The following SLC35F4 variants were observed in gnomAD, a reference collection of about 807,000 sequenced individuals.
SLC35F4 encodes the protein solute carrier family 35 member F4, also known as chromosome 14 open reading frame 36.
In SLC35F4, 24 loss-of-function variants were observed where a neutral mutation model predicts 44.2. The ratio of observed to expected loss-of-function variants is 0.54; its 90% CI spans 0.39 to 0.76. The LOEUF (loss-of-function observed/expected upper bound fraction) is 0.76. SLC35F4 is among the 30% of genes least tolerant of loss of function. SLC35F4 has a pLI of 0.00. For synonymous variants in SLC35F4, 238 were observed against 223.6 expected (o/e 1.06, Z -0.57); for missense variants, 562 against 586.1 (o/e 0.96, Z 0.42).
chr14:57,755,962 A>T (rs2076985774), intron 1 of SLC35F4, among the ~76,000 whole-genome samples: 1 of 152,186 alleles, frequency 6.6e-6, no homozygotes, highest in African/African-American at 2.4e-5. Flanking sequence ...CGTTATTATC[A>T]GACTGCTACA....
intron 1 of SLC35F4, among the ~76,000 whole-genome samples, chr14:57,744,125 G>A (rs890570324): frequency 6.6e-6 from 1 of 152,122 alleles, no homozygotes; most frequent in Non-Finnish European, 1.5e-5. Flanking sequence ...ATATCATACT[G>A]AATGGGCAAA....
intron 1 of SLC35F4, among the ~76,000 whole-genome samples, chr14:57,751,960 AT>A (rs1231739725): frequency 4.0e-5 from 6 of 149,896 alleles, no homozygotes; most frequent in Admixed American, 4.0e-4. Flanking sequence ...GTGTTTGTGT[AT>A]TTTTTCCCCA....
intron 1 of SLC35F4, among the ~76,000 whole-genome samples, chr14:57,801,943 T>C (rs539658672): frequency 6.6e-6 from 1 of 152,214 alleles, no homozygotes; most frequent in South Asian, 2.1e-4. Context: ...TTAACAAAAA[T>C]ATCCAGGACC....
intron 1 of SLC35F4, among the ~76,000 whole-genome samples, chr14:57,681,862 G>A (rs1419423056): frequency 6.6e-6 from 1 of 151,440 alleles, no homozygotes; most frequent in Admixed American, 6.6e-5. Flanking sequence ...CTCAAAAGAA[G>A]ACATTTATGT....
At chr14:57,974,951 T>C (rs1427761279), downstream of SLC35F4, among the ~76,000 whole-genome samples, 1 of 152,208 alleles carries the variant, frequency 6.6e-6, no homozygotes, top group African/African-American at 2.4e-5. Flanking sequence ...TTTTCAGGAC[T>C]GCAAAGGGAA....
intron 1 of SLC35F4, among the ~76,000 whole-genome samples, chr14:57,929,063 T>A (rs1405891436): frequency 1.3e-5 from 2 of 152,128 alleles, no homozygotes; most frequent in Non-Finnish European, 2.9e-5. Context: ...GAAAAAGTAT[T>A]GAAATGTAAG....
intron 1 of SLC35F4, chr14:57,630,051 A>G (rs1193115250): frequency 1.9e-6 from 1 of 538,964 alleles, no homozygotes; most frequent in Non-Finnish European, 3.8e-6. Context: ...TTCGCTGTCC[A>G]AGAGGATTTG....
intron 1 of SLC35F4, among the ~76,000 whole-genome samples, chr14:57,772,262 C>T (rs1014656723): frequency 6.6e-6 from 1 of 152,204 alleles, no homozygotes; most frequent in South Asian, 2.1e-4. Flanking sequence ...ATGTCAAACT[C>T]AGGGAATAAT....
chr14:57,706,571 G>A (rs1005704038), intron 1 of SLC35F4, among the ~76,000 whole-genome samples: 2 of 152,146 alleles, frequency 1.3e-5, no homozygotes, highest in African/African-American at 4.8e-5. Context: ...TGCTATTTGA[G>A]CATATAACAG....
intron 1 of SLC35F4, among the ~76,000 whole-genome samples, chr14:57,606,135 T>C (rs960987518): frequency 5.9e-5 from 9 of 152,140 alleles, no homozygotes; most frequent in African/African-American, 2.2e-4. Flanking sequence ...AAAAGAAAAG[T>C]CTATGCTATA....
chr14:57,735,743 G>C (rs2076448406), intron 1 of SLC35F4, among the ~76,000 whole-genome samples: 1 of 143,460 alleles, frequency 7.0e-6, no homozygotes, highest in South Asian at 2.2e-4. Flanking sequence ...TTTTTTTAAA[G>C]ACAGAGCTTC....
chr14:57,753,196 C>T (rs1359395729), intron 1 of SLC35F4, among the ~76,000 whole-genome samples: 2 of 152,280 alleles, frequency 1.3e-5, no homozygotes, highest in East Asian at 1.9e-4. Flanking sequence ...GTGGTTTCTG[C>T]AAAGATGGCA....
chr14:57,878,342 G>T (rs939949656), intron 1 of SLC35F4, among the ~76,000 whole-genome samples: 1 of 152,012 alleles, frequency 6.6e-6, no homozygotes, highest in African/African-American at 2.4e-5. Flanking sequence ...TCTAACCATA[G>T]CCAACCTGCT....
At chr14:57,947,508 T>G (rs1010180688) in intron 1 of SLC35F4, among the ~76,000 whole-genome samples, 1 of 152,182 alleles carries the variant, frequency 6.6e-6, no homozygotes, top group Non-Finnish European at 1.5e-5. Context: ...TTTACCAATT[T>G]GGATGCCCTT....
chr14:57,649,139 T>A (rs912529946), intron 1 of SLC35F4, among the ~76,000 whole-genome samples: 1 of 152,226 alleles, frequency 6.6e-6, no homozygotes, highest in African/African-American at 2.4e-5. Context: ...TTCCTTTCCT[T>A]CACATCACAG....
intron 4 of SLC35F4, chr14:57,580,606 T>C (rs1226805051): frequency 3.6e-6 from 1 of 278,988 alleles, no homozygotes; most frequent in Non-Finnish European, 7.2e-6. Context: ...CTGAAAGGAA[T>C]AAACTCAGAA....
At chr14:57,838,625 CAAT>C (rs1488438454) in intron 1 of SLC35F4, among the ~76,000 whole-genome samples, 1 of 152,056 alleles carries the variant, frequency 6.6e-6, no homozygotes, top group Non-Finnish European at 1.5e-5. Context: ...AGCTCAACAA[CAAT>C]AAGAGACATG....
At chr14:57,856,477 A>T (rs1395733433) in intron 1 of SLC35F4, among the ~76,000 whole-genome samples, 1 of 152,050 alleles carries the variant, frequency 6.6e-6, no homozygotes, top group Non-Finnish European at 1.5e-5. Context: ...AAATCCAAGT[A>T]TTAGCTAGTG....
chr14:57,667,397 A>T (rs373128434), intron 1 of SLC35F4, among the ~76,000 whole-genome samples: 1 of 118,542 alleles, frequency 8.4e-6, no homozygotes, highest in Non-Finnish European at 1.8e-5. Context: ...TGCAGGTTAC[A>T]TATGTATACA....
Sources: gnomAD v4.1 joint callset for allele counts (sites outside exome capture counted in the v4.1 genomes callset) on GRCh38, gnomAD v4.1.1 for gene constraint, MANE v1.5 for transcripts, NCBI Gene and HGNC (gene_info 2026-07-23, HGNC 2026-07-21) for gene names.